MAP7D3: variants seen among roughly 807,000 people sequenced by gnomAD.
MAP7D3 encodes MAP7 domain-containing protein 3.
In MAP7D3, 45 loss-of-function variants were observed where a neutral mutation model predicts 62.2. The ratio of observed to expected loss-of-function variants is 0.72; its 90% CI spans 0.57 to 0.93. The LOEUF (loss-of-function observed/expected upper bound fraction) is 0.93. Ranked by LOEUF, MAP7D3 falls within the 40% of genes least tolerant of loss-of-function variation. The pLI, the probability that MAP7D3 is intolerant of heterozygous loss-of-function variation, is 0.00. For synonymous variants in MAP7D3, 288 were observed against 248.8 expected (o/e 1.16, Z -1.48); for missense variants, 711 against 683.1 (o/e 1.04, Z -0.45).
In MAP7D3 at chrX:136,227,563, T is replaced by G. The variant is rs1272777144; in HGVS notation, c.1887-132A>C. 3 of 418,940 alleles carry G rather than the reference T, an allele frequency of 7.2e-6. No individual in the cohort carries two copies. In the African/African-American group the frequency reaches 7.7e-5, roughly 11 times the overall value. 34.5% of individuals were successfully genotyped at this position (418,940 alleles called of 1,213,427 possible). A position where few individuals can be genotyped will look rare whatever the true frequency, so the allele number is the denominator to read the frequency against. On this transcript the variant is annotated intron_variant, in intron 11 of 18. Coordinates refer to ENST00000316077, the MANE Select transcript of MAP7D3 (RefSeq NM_024597.4). ...ATATCCACACCAGAGTCACTACATCTTCTGTGTTGTTACTATATAGGAATT... is the reference window on the plus strand; with the variant it reads ...ATATCCACACCAGAGTCACTACATCGTCTGTGTTGTTACTATATAGGAATT...
intron 3 of MAP7D3, among the ~76,000 whole-genome samples, chrX:136,245,640 G>A (rs1257298918): frequency 1.8e-5 from 2 of 110,105 alleles, no homozygotes; most frequent in Admixed American, 9.7e-5. Context: ...CCAGTTACTC[G>A]GGAGGCTGAG....
At chrX:136,247,034 C>A (rs758918659) in intron 1 of MAP7D3, among the ~76,000 whole-genome samples, 1 of 112,251 alleles carries the variant, frequency 8.9e-6, no homozygotes, top group Non-Finnish European at 1.9e-5. Flanking sequence ...AATAAATATT[C>A]TTTTAGAAGA....
At chrX:136,241,018 C>A in intron 5 of MAP7D3, 142 bp downstream of exon 5, 1 of 347,725 alleles carries the variant, frequency 2.9e-6, no homozygotes. Context: ...TGGCATATGA[C>A]AGAAATTTAA....
intron 4 of MAP7D3, among the ~76,000 whole-genome samples, chrX:136,241,705 T>C (rs2074392147): frequency 9.0e-6 from 1 of 111,316 alleles, no homozygotes; most frequent in African/African-American, 3.3e-5. Flanking sequence ...CTTAAATTCT[T>C]TGTAGAATGA....
At chrX:136,219,317 G>T in intron 18 of MAP7D3, 81 bp downstream of exon 18, 1 of 541,548 alleles carries the variant, frequency 1.8e-6, no homozygotes. Flanking sequence ...TGCAAAGACT[G>T]CCCTGGAATG....
rs1163123357 is a variant in MAP7D3, at chrX:136,232,206, T to G, written c.751A>C (p.Asn251His). ...ACAGTGACATACTGCATTACATAATTGGTGACGCCTGTAACTGAATGAGGA... is the reference window on the plus strand; with the variant it reads ...ACAGTGACATACTGCATTACATAATGGGTGACGCCTGTAACTGAATGAGGA... Reference protein sequence around the residue: ...ERKPRVTGVTNYVMQYVTVPL... With the variant: ...ERKPRVTGVTHYVMQYVTVPL... Residue 251 changes from asparagine (N) to histidine (H), a missense_variant, in exon 8 of 19, where the codon AAT becomes CAT. Asn to His is a moderately conservative substitution (Grantham distance 68, BLOSUM62 1). Transcript: ENST00000316077. The G allele has an allele frequency of 8.4e-7, 1 of 1,191,982 alleles. No individual in the cohort carries two copies. The highest frequency in any genetic ancestry group is 1.7e-5 in the African/African-American group (1 of 57,463).
At position 136,219,578 on chromosome X, in the gene MAP7D3, A is replaced by AT. The variant is rs761019417; in HGVS notation, c.2565+14dup. On this transcript the variant is annotated intron_variant, in intron 17 of 18. Transcript: ENST00000316077. Reference sequence around the variant, plus strand: ...TCTTGTCACAGATACGCTGCTGCTCATAATTCATACTAACAGAGGATCTGC... The same window carrying AT: ...TCTTGTCACAGATACGCTGCTGCTCATTAATTCATACTAACAGAGGATCTGC... 8.6e-5 allele frequency: 102 copies of AT among 1,190,182 alleles called. No individual in the cohort carries two copies. In the African/African-American group the frequency reaches 1.7e-3, roughly 20 times the overall value.
intron 3 of MAP7D3, among the ~76,000 whole-genome samples, chrX:136,245,133 T>C (rs2074433297): frequency 8.9e-6 from 1 of 112,465 alleles, no homozygotes; most frequent in South Asian, 3.7e-4. Context: ...CATATTAATA[T>C]GCTGTACATT....
chrX:136,224,915 A>G (rs1214798512), intron 13 of MAP7D3, 35 bp from the exon 14 acceptor site: 1 of 962,866 alleles, frequency 1.0e-6, no homozygotes, highest in African/African-American at 1.9e-5. Context: ...AAACATGAAA[A>G]CAGATTAGAA....
At chrX:136,247,034 CT>C (rs1014340344) in intron 1 of MAP7D3, among the ~76,000 whole-genome samples, 1 of 112,196 alleles carries the variant, frequency 8.9e-6, no homozygotes, top group African/African-American at 3.2e-5. Context: ...AATAAATATT[CT>C]TTTAGAAGAA....
intron 6 of MAP7D3, among the ~76,000 whole-genome samples, chrX:136,236,971 C>T (rs1322902419): frequency 8.9e-6 from 1 of 111,874 alleles, no homozygotes; most frequent in Non-Finnish European, 1.9e-5. Context: ...CTTTCAGAGG[C>T]TCAGGTCCTG....
At chrX:136,250,455 C>T (rs937062644) in intron 1 of MAP7D3, among the ~76,000 whole-genome samples, 19 of 111,173 alleles carry the variant, frequency 1.7e-4, no homozygotes, top group African/African-American at 5.2e-4. Flanking sequence ...TAACGGTTTT[C>T]GAGGAGGGAA....
rs757871362 is a variant in MAP7D3, at chrX:136,246,159, A to G, written c.170-11T>C. 1 of 1,155,800 alleles carries G rather than the reference A, an allele frequency of 8.7e-7. No homozygotes were observed. On this transcript the variant is annotated splice_polypyrimidine_tract_variant and intron_variant, in intron 2 of 18. Transcript: ENST00000316077. The stretch of plus-strand genomic sequence containing the variant: ...TGGATCCATCGATTACTAAAAAAAA[A>G]AGAATATAGTTAGATATTAATAGGA...
At chrX:136,240,200 C>T (rs1427512418) in intron 6 of MAP7D3, among the ~76,000 whole-genome samples, 182 bp downstream of exon 6, 1 of 81,022 alleles carries the variant, frequency 1.2e-5, no homozygotes. Context: ...CAGAGTGAGA[C>T]TCTGTCTCAA....
In MAP7D3 at chrX:136,218,118, AAG is replaced by A. The variant is rs2074081863; in HGVS notation, c.*406_*407del. The A allele has an allele frequency of 8.9e-6, 1 of 111,931 alleles. No individual in the cohort carries two copies. Among genetic ancestry groups the A allele is most frequent in the African/African-American group, 3.2e-5 (1 of 30,935 alleles). The allele number at this position is 111,931 out of a possible 1,213,427, so 9.2% of individuals were successfully genotyped here. A position where few individuals can be genotyped will look rare whatever the true frequency, so the allele number is the denominator to read the frequency against. Reference sequence around the variant, plus strand: ...CTTTAAGATTTCAAATATATACTGAAAGAGAATTAGTTCTGCAATCAGATTCT... The same window carrying A: ...CTTTAAGATTTCAAATATATACTGAAAGAATTAGTTCTGCAATCAGATTCT... On this transcript the variant is annotated 3_prime_UTR_variant, in exon 19 of 19. Transcript: ENST00000316077.
intron 1 of MAP7D3, among the ~76,000 whole-genome samples, chrX:136,246,727 A>G: frequency 8.9e-6 from 1 of 112,400 alleles, no homozygotes; most frequent in Non-Finnish European, 1.9e-5. Flanking sequence ...ATTAAGTTTC[A>G]CCATAAATTG....
intron 10 of MAP7D3, chrX:136,228,969 C>T: frequency 4.0e-6 from 1 of 250,430 alleles, no homozygotes; most frequent in Non-Finnish European, 7.0e-6. Context: ...CTTTTTAACA[C>T]CTACTTGTTC....
At chrX:136,245,411 T>G in intron 3 of MAP7D3, among the ~76,000 whole-genome samples, 1 of 112,146 alleles carries the variant, frequency 8.9e-6, no homozygotes, top group East Asian at 2.8e-4. Flanking sequence ...GCTTTTCATC[T>G]TATCTATGTT....
At chrX:136,229,865 G>C (rs2074240534) in intron 10 of MAP7D3, among the ~76,000 whole-genome samples, 1 of 103,531 alleles carries the variant, frequency 9.7e-6, no homozygotes. Context: ...CTTAAGCTAG[G>C]TGGTTATGGT....
Sources: allele counts gnomAD v4.1 joint callset (sites outside exome capture counted in the v4.1 genomes callset), GRCh38; gene constraint gnomAD v4.1.1; transcripts MANE v1.5; gene names NCBI Gene and HGNC (gene_info 2026-07-23, HGNC 2026-07-21).